Variants in SLC6A3 observed in about 807,000 individuals in gnomAD.
The protein encoded by SLC6A3 is solute carrier family 6 member 3, also known as sodium-dependent dopamine transporter.
In SLC6A3, 19 loss-of-function variants were observed where a neutral mutation model predicts 70.4. The ratio of observed to expected loss-of-function variants is 0.27; its 90% CI spans 0.19 to 0.40. The LOEUF is 0.40. Among genes scored for constraint, SLC6A3 ranks in the 10% least tolerant of loss-of-function variants. The probability of loss-of-function intolerance (pLI) is 1.00; values close to 1 mark genes in which losing one functional copy is unlikely to be tolerated. For synonymous variants in SLC6A3, 368 were observed against 356.6 expected (o/e 1.03, Z -0.36); for missense variants, 613 against 838.5 (o/e 0.73, Z 3.32).
Position 1,416,175 on chromosome 5 carries a change from C to T in SLC6A3, c.954G>A (p.Val318=), listed in dbSNP as rs754453690. 4.3e-6 allele frequency: 7 copies of T among 1,613,660 alleles called. No individual in the cohort carries two copies. The highest frequency in any genetic ancestry group is 1.3e-5 in the African/African-American group (1 of 74,922). Residue 318 remains valine, a synonymous_variant, in exon 7 of 15, where the codon GTG becomes GTA. Coordinates refer to ENST00000270349, the MANE Select transcript of SLC6A3 (RefSeq NM_001044.5). Reference sequence around the variant, plus strand: ...CGAACCCCACGCCCAGGGAGAAGCACACCTGGGTGGCCGCGTCAATCCAAA... The same window carrying T: ...CGAACCCCACGCCCAGGGAGAAGCATACCTGGGTGGCCGCGTCAATCCAAA... ...ASVWIDAATQ[V]CFSLGVGFGV... is the part of the protein sequence containing the mutation.
At position 1,396,458 on chromosome 5, in the gene SLC6A3, T is replaced by C. The variant is rs910865686; in HGVS notation, c.1840-1700A>G. ...TCGCTGCCTCGAGGGAGTTTCTAGATTGCAGCACAGGGAGGGTGCAGCCTG... is the reference window on the plus strand; with the variant it reads ...TCGCTGCCTCGAGGGAGTTTCTAGACTGCAGCACAGGGAGGGTGCAGCCTG... On this transcript the variant is annotated intron_variant, in intron 14 of 14. Coordinates refer to ENST00000270349, the MANE Select transcript of SLC6A3 (RefSeq NM_001044.5). The surrounding 1 kb of genome is among the most constrained non-coding windows in gnomAD (Gnocchi z 7.0). 6.6e-6 allele frequency among the ~76,000 whole-genome samples: 1 copy of C among 152,110 alleles called. No homozygotes were observed. The highest frequency in any genetic ancestry group is 1.5e-5 in the Non-Finnish European group (1 of 68,018).
At chr5:1,415,089 G>A (rs1357433272) in intron 7 of SLC6A3, among the ~76,000 whole-genome samples, 1 of 152,032 alleles carries the variant, frequency 6.6e-6, no homozygotes, top group Non-Finnish European at 1.5e-5. Context: ...GTCTTGCTGT[G>A]GACACCTCAC....
At position 1,443,587 on chromosome 5, in the gene SLC6A3, C is replaced by T. The variant is rs12332463; in HGVS notation, c.-45-345G>A. Among the ~76,000 whole-genome samples the T allele has an allele frequency of 7.3e-3, 1,119 of 152,362 alleles. 18 individuals are homozygous for T. Among genetic ancestry groups the T allele is most frequent in the African/African-American group, 0.024 (1,014 of 41,572 alleles). On this transcript the variant is annotated intron_variant, in intron 1 of 14. Transcript: ENST00000270349. ...AACAATGCATGGATATCACTTCCAC[C>T]TTCCCCCACACTTCCAGAGAGCAAT...
rs1755667355 is a variant in SLC6A3 at position 1,394,587 on chromosome 5, G to A, written c.*148C>T. ...CGGAAAGGTGTAAACAGTCAGAAGA[G>A]AGGAGTCTTCTGCTTTGTTGTTTGT... On this transcript the variant is annotated 3_prime_UTR_variant, in exon 15 of 15. Coordinates refer to ENST00000270349, the MANE Select transcript of SLC6A3 (RefSeq NM_001044.5). This position sits in a 1 kb window ranked among gnomAD's most constrained non-coding sequence, Gnocchi z 4.7. 1.2e-6 allele frequency: 1 copy of A among 816,482 alleles called. No homozygotes were observed. Among genetic ancestry groups the A allele is most frequent in the Non-Finnish European group, 2.2e-6 (1 of 463,320 alleles). 50.6% of individuals were successfully genotyped at this position (816,482 alleles called of 1,614,324 possible).
Position 1,406,244 on chromosome 5 carries a change from G to A in SLC6A3, c.1543C>T (p.Arg515Trp), listed in dbSNP as rs1755976092. The part of the protein sequence containing the change: ...SDDIQQMTGQ[R>W]PSLYWRLCWK... ...CACAGCCGCCAGTACAGGCTGGGCC[G>A]CTGCCCGGTCATCTGCTGGATGTCG... Residue 515 changes from arginine to tryptophan, a missense_variant, in exon 12 of 15, where the codon CGG becomes TGG. Physicochemically the swap from Arg to Trp is moderately radical, Grantham distance 101 (BLOSUM62 -3). Around this residue, in one of 4 missense-constraint regions of SLC6A3, gnomAD observed 348 missense variants for 481.2 expected, o/e 0.72. Coordinates refer to ENST00000270349, the MANE Select transcript of SLC6A3 (RefSeq NM_001044.5). This position sits in a 1 kb window ranked among gnomAD's most constrained non-coding sequence, Gnocchi z 8.8. 2 of 1,612,968 alleles carry A rather than the reference G, an allele frequency of 1.2e-6. No homozygotes were observed. Among genetic ancestry groups the A allele is most frequent in the Non-Finnish European group, 1.7e-6 (2 of 1,179,958 alleles).
intron 4 of SLC6A3, among the ~76,000 whole-genome samples, chr5:1,427,150 C>T (rs1756590336): frequency 6.6e-6 from 1 of 152,344 alleles, no homozygotes; most frequent in East Asian, 1.9e-4. Context: ...AAATATAAAA[C>T]ATTTCTTTGT....
intron 4 of SLC6A3, among the ~76,000 whole-genome samples, chr5:1,431,203 G>T (rs565337718): frequency 6.6e-6 from 1 of 152,278 alleles, no homozygotes; most frequent in Non-Finnish European, 1.5e-5. Context: ...ATTCCGGGAG[G>T]GGTCCAGGGG....
In SLC6A3 at chr5:1,421,776, C is replaced by T; in HGVS notation, c.792+100G>A. The T allele has an allele frequency of 7.3e-7, 1 of 1,366,050 alleles. No individual in the cohort carries two copies. Among genetic ancestry groups the T allele is most frequent in the South Asian group, 1.2e-5 (1 of 86,052 alleles). The allele number at this position is 1,366,050 out of a possible 1,614,324, so 84.6% of individuals were successfully genotyped here. ...CCATGGCCACATTGGTAGCACAAAA[C>T]CCAACTGAGGCCACACGTGCACCTC... On this transcript the variant is annotated intron_variant, in intron 5 of 14. Transcript: ENST00000270349. The surrounding 1 kb of genome is among the most constrained non-coding windows in gnomAD (Gnocchi z 7.2).
chr5:1,414,118 G>C (rs1306921315), intron 8 of SLC6A3, among the ~76,000 whole-genome samples: 1 of 152,142 alleles, frequency 6.6e-6, no homozygotes, highest in Non-Finnish European at 1.5e-5. Flanking sequence ...TGGCCAAGCT[G>C]ATGTTTGCGG....
chr5:1,419,445 G>T (rs1756384906), intron 6 of SLC6A3, among the ~76,000 whole-genome samples: 1 of 152,178 alleles, frequency 6.6e-6, no homozygotes, highest in Non-Finnish European at 1.5e-5. Context: ...CTTTTCACAT[G>T]CACTGGTGTT....
chr5:1,425,856 C>T (rs1009565263), intron 4 of SLC6A3, among the ~76,000 whole-genome samples: 8 of 152,184 alleles, frequency 5.3e-5, no homozygotes, highest in Admixed American at 5.2e-4. Flanking sequence ...GGGCAAAGGA[C>T]TTGAATAGAC....
Position 1,442,053 on chromosome 5 carries a change from A to G in SLC6A3, c.287-563T>C, listed in dbSNP as rs995364497. ...TGAAACCTGCACCTCCCCCACCCCC[A>G]GCACAAAGCCCAGGGAACCCTGGTC... On this transcript the variant is annotated intron_variant, in intron 2 of 14. Transcript: ENST00000270349. This position sits in a 1 kb window ranked among gnomAD's most constrained non-coding sequence, Gnocchi z 5.0. Among the ~76,000 whole-genome samples, 1 of 151,596 alleles carries G rather than the reference A, an allele frequency of 6.6e-6. No individual in the cohort carries two copies. The highest frequency in any genetic ancestry group is 2.4e-5 in the African/African-American group (1 of 41,254).
At position 1,421,377 on chromosome 5, in the gene SLC6A3, A is replaced by C. The variant is rs574943833; in HGVS notation, c.792+499T>G. 5.7e-4 allele frequency among the ~76,000 whole-genome samples: 86 copies of C among 152,190 alleles called. No individual in the cohort carries two copies. The highest frequency in any genetic ancestry group is 3.4e-3 in the Middle Eastern group (1 of 294). ...TTTTTAGTAGAGATGGGGTTTCATC[A>C]TGTTGGCCAGGCTGTTCTTGAACCC... On this transcript the variant is annotated intron_variant, in intron 5 of 14. Transcript: ENST00000270349. The surrounding 1 kb of genome is among the most constrained non-coding windows in gnomAD (Gnocchi z 7.2).
At chr5:1,409,599 G>A (rs1475806138) in intron 10 of SLC6A3, 122 bp downstream of exon 10, 3 of 1,125,614 alleles carry the variant, frequency 2.7e-6, no homozygotes, top group Non-Finnish European at 4.0e-6. Flanking sequence ...TGGGGTGGGT[G>A]GGTTCGCAGC....
chr5:1,437,953 GTA>G lies in SLC6A3; in HGVS notation c.418+3404_418+3405del, dbSNP rs1756878425. 1.3e-5 allele frequency among the ~76,000 whole-genome samples: 2 copies of G among 152,232 alleles called. No individual in the cohort carries two copies. Among genetic ancestry groups the G allele is most frequent in the South Asian group, 4.1e-4 (2 of 4,836 alleles). The stretch of plus-strand genomic sequence containing the variant: ...ATTTTTAAAAAGGACAAAGGCACAT[GTA>G]TCAGGGTGCCGGGGGTGCATGGTGT... On this transcript the variant is annotated intron_variant, in intron 3 of 14. Transcript: ENST00000270349. The surrounding 1 kb of genome is among the most constrained non-coding windows in gnomAD (Gnocchi z 4.8).
intron 14 of SLC6A3, among the ~76,000 whole-genome samples, chr5:1,395,058 G>A (rs959659181): frequency 6.6e-6 from 1 of 152,216 alleles, no homozygotes; most frequent in African/African-American, 2.4e-5. Context: ...ATCAGATGCT[G>A]AGTCTGAGAG....
rs539061387 is a variant in SLC6A3 at position 1,442,839 on chromosome 5, C to A, written c.286+73G>T. ...GGAACAGCTTCATCTCGTTTCCGTA[C>A]GTGCCTTGGCCCCGGCTGCCCCTAC... On this transcript the variant is annotated intron_variant, in intron 2 of 14. Coordinates refer to ENST00000270349, the MANE Select transcript of SLC6A3 (RefSeq NM_001044.5). The surrounding 1 kb of genome is among the most constrained non-coding windows in gnomAD (Gnocchi z 5.0). The A allele has an allele frequency of 3.4e-6, 5 of 1,483,708 alleles. No individual in the cohort carries two copies. Among genetic ancestry groups the A allele is most frequent in the Middle Eastern group, 1.7e-4 (1 of 5,836 alleles). 91.9% of individuals were successfully genotyped at this position (1,483,708 alleles called of 1,614,324 possible).
At chr5:1,425,938 G>C (rs1449147329) in intron 4 of SLC6A3, among the ~76,000 whole-genome samples, 1 of 152,094 alleles carries the variant, frequency 6.6e-6, no homozygotes, top group African/African-American at 2.4e-5. Flanking sequence ...TAATCATTAA[G>C]GAAATACAAA....
At chr5:1,435,961 C>G (rs536616) in intron 3 of SLC6A3, among the ~76,000 whole-genome samples, 793 of 74,214 alleles carry the variant, frequency 0.011, no homozygotes, top group East Asian at 0.026. Flanking sequence ...CTGGGCACCT[C>G]GGTGAGGAAA....
Sources: gnomAD v4.1 joint callset for allele counts (sites outside exome capture counted in the v4.1 genomes callset) on GRCh38, gnomAD v4.1.1 for gene constraint, gnomAD v4.1.1 regional missense constraint, Gnocchi (gnomAD v3.1) non-coding constraint, MANE v1.5 for transcripts, NCBI Gene and HGNC (gene_info 2026-07-23, HGNC 2026-07-21) for gene names.